The following CERT1 variants were observed in gnomAD, a reference collection of about 807,000 sequenced individuals.
The protein encoded by CERT1 is ceramide transfer protein.
Under a neutral mutation model 87.9 loss-of-function variants are expected in CERT1, and 31 were observed. That is an observed-to-expected ratio of 0.35 (90% CI 0.27 to 0.48). CERT1 has a LOEUF of 0.48. Ranked by LOEUF, CERT1 falls within the 20% of genes least tolerant of loss-of-function variation. The pLI, the probability that CERT1 is intolerant of heterozygous loss-of-function variation, is 0.99. For synonymous variants in CERT1, 289 were observed against 250.9 expected, an observed-to-expected ratio of 1.15 and a Z score of -1.44; for missense variants, 487 against 758.0, an observed-to-expected ratio of 0.64 and a Z score of 4.20.
intron 2 of CERT1, among the ~76,000 whole-genome samples, chr5:75,461,409 T>C (rs1267627252): frequency 2.6e-5 from 4 of 152,164 alleles, no homozygotes; most frequent in Non-Finnish European, 5.9e-5. Flanking sequence ...CGTCACCCAC[T>C]ACATGGAAAA....
At chr5:75,437,800 A>G (rs1053641603) in intron 3 of CERT1, among the ~76,000 whole-genome samples, 6 of 151,122 alleles carry the variant, frequency 4.0e-5, no homozygotes, top group Non-Finnish European at 8.9e-5. Flanking sequence ...AAAAGAAAAG[A>G]TAGTATACTC....
At chr5:75,466,008 C>T (rs545388361) in intron 2 of CERT1, among the ~76,000 whole-genome samples, 3 of 152,286 alleles carry the variant, frequency 2.0e-5, no homozygotes, top group Non-Finnish European at 4.4e-5. Flanking sequence ...AGACCTTCCA[C>T]TCACATAGTG....
chr5:75,458,000 T>A (rs1045067647), intron 3 of CERT1, among the ~76,000 whole-genome samples: 2 of 151,694 alleles, frequency 1.3e-5, no homozygotes, highest in Non-Finnish European at 2.9e-5. Flanking sequence ...GTGTGTGTTT[T>A]GTGCCTGTTA....
chr5:75,496,034 TAAAA>T (rs1767048885), intron 2 of CERT1, among the ~76,000 whole-genome samples: 2 of 152,068 alleles, frequency 1.3e-5, no homozygotes, highest in Admixed American at 6.5e-5. Flanking sequence ...GTGTTAGTGA[TAAAA>T]ATCAGTCTCT....
chr5:75,418,645 T>C (rs561061617), intron 6 of CERT1, among the ~76,000 whole-genome samples: 1 of 152,276 alleles, frequency 6.6e-6, no homozygotes, highest in East Asian at 1.9e-4. Flanking sequence ...AATAAAATAC[T>C]ACTGAGCTAT....
chr5:75,448,313 T>C (rs182378081), intron 3 of CERT1, among the ~76,000 whole-genome samples: 3 of 152,300 alleles, frequency 2.0e-5, no homozygotes, highest in African/African-American at 7.2e-5. Flanking sequence ...TAATCATTAT[T>C]TGCCTATGAA....
intron 3 of CERT1, among the ~76,000 whole-genome samples, chr5:75,443,788 T>C (rs1222075592): frequency 6.6e-6 from 1 of 152,222 alleles, no homozygotes; most frequent in Admixed American, 6.5e-5. Flanking sequence ...ATTTCTCCTT[T>C]CAATTCTGTT....
chr5:75,429,649 A>G (rs1463764455), intron 3 of CERT1, among the ~76,000 whole-genome samples: 1 of 152,058 alleles, frequency 6.6e-6, no homozygotes, highest in Admixed American at 6.6e-5. Context: ...GCACCCCTAT[A>G]CTGAAGCCTA....
chr5:75,478,227 T>C (rs1297477232), intron 2 of CERT1, among the ~76,000 whole-genome samples: 2 of 151,928 alleles, frequency 1.3e-5, no homozygotes, highest in East Asian at 1.9e-4. Flanking sequence ...GACAGGAGAA[T>C]TGCTTGAACC....
chr5:75,425,179 T>C, intron 5 of CERT1, 182 bp downstream of exon 5: 1 of 539,934 alleles, frequency 1.9e-6, no homozygotes, highest in Non-Finnish European at 3.3e-6. Flanking sequence ...ATGATCAAAA[T>C]GAATTAGTAT....
intron 3 of CERT1, among the ~76,000 whole-genome samples, chr5:75,444,048 T>C (rs1320023641): frequency 1.3e-5 from 2 of 152,190 alleles, no homozygotes; most frequent in Non-Finnish European, 2.9e-5. Flanking sequence ...TCAAGTGTCA[T>C]ATAGACAGCA....
chr5:75,478,509 A>C (rs187254372), intron 2 of CERT1, among the ~76,000 whole-genome samples: 9 of 152,260 alleles, frequency 5.9e-5, no homozygotes, highest in Admixed American at 5.9e-4. Context: ...AGAAAGAATA[A>C]AAAGAATGAG....
intron 3 of CERT1, among the ~76,000 whole-genome samples, chr5:75,451,250 C>A (rs1160028468): frequency 6.6e-6 from 1 of 152,060 alleles, no homozygotes; most frequent in Non-Finnish European, 1.5e-5. Context: ...TATTAGGAAC[C>A]AAATTCTTGA....
intron 2 of CERT1, among the ~76,000 whole-genome samples, chr5:75,494,440 C>T (rs1766962040): frequency 6.6e-6 from 1 of 152,090 alleles, no homozygotes; most frequent in Non-Finnish European, 1.5e-5. Context: ...CTTCCCTAAT[C>T]CCTCCTCTGT....
At chr5:75,404,854 C>CAA (rs1229990906) in intron 8 of CERT1, among the ~76,000 whole-genome samples, 1 of 152,000 alleles carries the variant, frequency 6.6e-6, no homozygotes, top group Non-Finnish European at 1.5e-5. Context: ...ATCAAAAATA[C>CAA]AAAAATCAGT....
intron 3 of CERT1, among the ~76,000 whole-genome samples, chr5:75,453,251 A>G (rs968976131): frequency 3.3e-5 from 5 of 152,216 alleles, no homozygotes; most frequent in Non-Finnish European, 7.4e-5. Context: ...AAGCCTTCAA[A>G]TATCACAAAT....
At position 75,511,175 on chromosome 5, in the gene CERT1, G is replaced by T; in HGVS notation, c.33C>A (p.Gly11=). ...ACTCCGTCTCTGGATCCTCCTCCGA[G>T]CCCGACGAGTTCCAGCTCTGATTAT... MSDNQSWNSS[G]SEEDPETESG... Residue 11 remains glycine, a synonymous_variant, in exon 1 of 17, where the codon GGC becomes GGA. Transcript: ENST00000643780. 6.2e-7 allele frequency: 1 copy of T among 1,612,630 alleles called. No homozygotes were observed. The highest frequency in any genetic ancestry group is 8.5e-7 in the Non-Finnish European group (1 of 1,179,620).
chr5:75,483,975 A>G (rs1195259866), intron 2 of CERT1, among the ~76,000 whole-genome samples: 2 of 152,186 alleles, frequency 1.3e-5, no homozygotes, highest in Non-Finnish European at 2.9e-5. Flanking sequence ...TCATATCTTG[A>G]GTAGTAAGAC....
rs778572005 is a variant in CERT1 at position 75,384,628 on chromosome 5, G to T, written c.1488+14C>A. 6.4e-7 allele frequency: 1 copy of T among 1,558,074 alleles called. No individual in the cohort carries two copies. Among genetic ancestry groups the T allele is most frequent in the South Asian group, 1.1e-5 (1 of 89,258 alleles). On this transcript the variant is annotated intron_variant, in intron 14 of 16. Transcript: ENST00000643780. ...ACATTGAAATCCTTTTAGGATGAAT[G>T]AAGAGATCTTTACCTTGTGTGTTTG...
Sources: gnomAD v4.1 joint callset for allele counts (sites outside exome capture counted in the v4.1 genomes callset) on GRCh38, gnomAD v4.1.1 for gene constraint, MANE v1.5 for transcripts, NCBI Gene and HGNC (gene_info 2026-07-23, HGNC 2026-07-21) for gene names.